UBAC2: variants seen among roughly 807,000 people sequenced by gnomAD.
UBAC2 encodes UBA domain containing 2, also known as ubiquitin-associated domain-containing protein 2.
UBAC2 carries 26 observed loss-of-function variants against 44.0 expected under a neutral mutation model. The observed-to-expected ratio is 0.59, with a 90% CI of 0.43 to 0.82. The LOEUF (loss-of-function observed/expected upper bound fraction) is 0.82, where lower values mean the gene tolerates loss of function less well. Among genes scored for constraint, UBAC2 ranks in the 40% least tolerant of loss-of-function variants. UBAC2 has a pLI of 0.00. For missense variants in UBAC2, 329 were observed against 419.4 expected (o/e 0.78, Z 1.88); for synonymous variants, 155 against 154.3 (o/e 1.00, Z -0.04).
At chr13:99,229,380 A>G (rs79502098) in intron 1 of UBAC2, among the ~76,000 whole-genome samples, 306 of 152,366 alleles carry the variant, frequency 2.0e-3, no homozygotes, top group Non-Finnish European at 3.9e-3. Flanking sequence ...AAAATTTTCC[A>G]AAGGCATTGA....
intron 7 of UBAC2, chr13:99,351,724 T>C (rs1426842075): frequency 2.2e-6 from 1 of 456,640 alleles, no homozygotes; most frequent in East Asian, 6.9e-5. Flanking sequence ...AGAACTAAGG[T>C]GAAGCCCAGT....
intron 8 of UBAC2, chr13:99,377,491 G>A (rs1438816743): frequency 1.3e-5 from 2 of 152,060 alleles, no homozygotes; most frequent in Non-Finnish European, 2.9e-5. Context: ...AAGTAGTCCA[G>A]GGTTTCAGTG....
intron 7 of UBAC2, among the ~76,000 whole-genome samples, chr13:99,366,764 G>C (rs1177565127): frequency 6.6e-6 from 1 of 152,182 alleles, no homozygotes; most frequent in Admixed American, 6.5e-5. Flanking sequence ...TAGAACCCAA[G>C]TGGTCCTGGG....
At position 99,386,249 on chromosome 13, in the gene UBAC2, G is replaced by C. The variant is rs1190702813; in HGVS notation, c.*914G>C. The C allele has an allele frequency of 6.6e-6, 1 of 152,352 alleles. No homozygotes were observed. 9.4% of individuals were successfully genotyped at this position (152,352 alleles called of 1,614,324 possible). A position where few individuals can be genotyped will look rare whatever the true frequency, so the allele number is the denominator to read the frequency against. On this transcript the variant is annotated 3_prime_UTR_variant, in exon 9 of 9. Coordinates refer to ENST00000403766, the MANE Select transcript of UBAC2 (RefSeq NM_001144072.2). ...GACAGGAGGCAGGGCAGACTGTGGA[G>C]GACAGGATGCAGGTCAGGGAGAGGG...
At chr13:99,290,071 C>A (rs564525334) in intron 4 of UBAC2, among the ~76,000 whole-genome samples, 1 of 151,770 alleles carries the variant, frequency 6.6e-6, no homozygotes, top group South Asian at 2.1e-4. Context: ...AGAGTGCAGA[C>A]CATGGAGCCA....
At chr13:99,371,727 C>A (rs1395660329) in intron 8 of UBAC2, among the ~76,000 whole-genome samples, 1 of 151,880 alleles carries the variant, frequency 6.6e-6, no homozygotes, top group Non-Finnish European at 1.5e-5. Flanking sequence ...TTTTTTAAGC[C>A]AAGAAAAATA....
At chr13:99,232,413 T>TATATATATATATATATATATAC (rs2043185432) in intron 1 of UBAC2, among the ~76,000 whole-genome samples, 1 of 141,758 alleles carries the variant, frequency 7.1e-6, no homozygotes, top group African/African-American at 2.5e-5. Flanking sequence ...TAGATATATA[T>TATATATATATATATATATATAC]ATATATATTC....
At chr13:99,265,063 A>C (rs949887610) in intron 4 of UBAC2, among the ~76,000 whole-genome samples, 1 of 151,874 alleles carries the variant, frequency 6.6e-6, no homozygotes, top group African/African-American at 2.4e-5. Context: ...ATTATAATCA[A>C]CCTTTAGAGG....
chr13:99,347,317 G>GCCC (rs2045000261), intron 7 of UBAC2, among the ~76,000 whole-genome samples: 1 of 30,392 alleles, frequency 3.3e-5, no homozygotes, highest in Non-Finnish European at 8.6e-5. Context: ...CTATCCCCGG[G>GCCC]CGCCCCCCCC....
intron 6 of UBAC2, among the ~76,000 whole-genome samples, chr13:99,334,186 C>T (rs559743987): frequency 6.6e-6 from 1 of 152,122 alleles, no homozygotes; most frequent in South Asian, 2.1e-4. Flanking sequence ...GTCTTGAACT[C>T]CTGGCCTCTA....
chr13:99,295,746 C>A lies in UBAC2; in HGVS notation c.390-18351C>A, dbSNP rs2044161490. ...ATCTTGTTGTAGCGTAGAGGGTGCA[C>A]CACAGCAATGAAGCGGTCAATACTC... On this transcript the variant is annotated intron_variant, in intron 4 of 8. Coordinates refer to ENST00000403766, the MANE Select transcript of UBAC2 (RefSeq NM_001144072.2). The surrounding 1 kb of genome is among the most constrained non-coding windows in gnomAD (Gnocchi z 4.1). 1 of 1,613,954 alleles carries A rather than the reference C, an allele frequency of 6.2e-7. No homozygotes were observed. Among genetic ancestry groups the A allele is most frequent in the Admixed American group, 1.7e-5 (1 of 59,978 alleles).
intron 1 of UBAC2, among the ~76,000 whole-genome samples, chr13:99,232,397 G>GATAT (rs768838568): frequency 0.02 from 1,620 of 82,288 alleles, 88 homozygotes; most frequent in African/African-American, 0.044. Flanking sequence ...CCTTAGTTGA[G>GATAT]AGATATAGAT....
intron 4 of UBAC2, among the ~76,000 whole-genome samples, chr13:99,304,224 C>T (rs1166564613): frequency 6.6e-6 from 1 of 152,160 alleles, no homozygotes; most frequent in Non-Finnish European, 1.5e-5. Context: ...TCCCACGTTC[C>T]CTCACAACTC....
In UBAC2 at chr13:99,309,707, C is replaced by T. The variant is rs189870252; in HGVS notation, c.390-4390C>T. Among the ~76,000 whole-genome samples the T allele has an allele frequency of 2.8e-3, 432 of 151,940 alleles. 2 individuals carry two copies. Among genetic ancestry groups the T allele is most frequent in the African/African-American group, 1.0e-2 (413 of 41,430 alleles). Reference sequence around the variant, plus strand: ...CCTCTGCCTCCTGGGCTCAAGTGATCCTCCCACCTCAGCTTCCTAAGTAGC... The same window carrying T: ...CCTCTGCCTCCTGGGCTCAAGTGATTCTCCCACCTCAGCTTCCTAAGTAGC... On this transcript the variant is annotated intron_variant, in intron 4 of 8. Transcript: ENST00000403766.
intron 6 of UBAC2, among the ~76,000 whole-genome samples, chr13:99,338,115 C>T (rs556910603): frequency 9.5e-5 from 12 of 125,724 alleles, no homozygotes; most frequent in South Asian, 8.0e-4. Flanking sequence ...TGGAGTGCAG[C>T]GGCACAATCT....
At chr13:99,316,470 A>G (rs2044492355) in intron 5 of UBAC2, among the ~76,000 whole-genome samples, 1 of 152,168 alleles carries the variant, frequency 6.6e-6, no homozygotes, top group Admixed American at 6.5e-5. Flanking sequence ...GGAAGAGCCA[A>G]AATGCTTAAG....
rs576427133 is a variant in UBAC2 at position 99,354,300 on chromosome 13, G to A, written c.808-13487G>A. The stretch of plus-strand genomic sequence containing the variant: ...TCTGTCCAGGAGCTCCTCCTGCAGC[G>A]GCTCTGGCAGGTGGCCTGAGGCTCC... On this transcript the variant is annotated intron_variant, in intron 7 of 8. Coordinates refer to ENST00000403766, the MANE Select transcript of UBAC2 (RefSeq NM_001144072.2). Among the ~76,000 whole-genome samples the A allele has an allele frequency of 1.6e-3, 249 of 152,352 alleles. 1 individual carries two copies. The highest frequency in any genetic ancestry group is 2.9e-3 in the Non-Finnish European group (195 of 68,028).
At chr13:99,362,028 T>C (rs916519835) in intron 7 of UBAC2, among the ~76,000 whole-genome samples, 1 of 152,186 alleles carries the variant, frequency 6.6e-6, no homozygotes, top group African/African-American at 2.4e-5. Context: ...TAAAATAGTA[T>C]ATATACTCGT....
chr13:99,296,033 T>C, intron 4 of UBAC2: 1 of 1,614,180 alleles, frequency 6.2e-7, no homozygotes, highest in Non-Finnish European at 8.5e-7. Flanking sequence ...GACGAGGCTG[T>C]AATGCAGAGG....
Sources: allele counts gnomAD v4.1 joint callset (sites outside exome capture counted in the v4.1 genomes callset), GRCh38; gene constraint gnomAD v4.1.1; non-coding constraint Gnocchi (gnomAD v3.1); transcripts MANE v1.5; gene names NCBI Gene and HGNC (gene_info 2026-07-23, HGNC 2026-07-21).